ASB18: variants seen among roughly 807,000 people sequenced by gnomAD.
ASB18 encodes the protein ankyrin repeat and SOCS box containing 18.
ASB18 carries 33 observed loss-of-function variants against 33.4 expected under a neutral mutation model. That is an observed-to-expected ratio of 0.99 (90% CI 0.75 to 1.32). ASB18 has a LOEUF of 1.32. ASB18 is among the 40% of genes most tolerant of loss of function. The pLI is 0.00. For missense variants in ASB18, 694 were observed against 655.5 expected (o/e 1.06, Z -0.64); for synonymous variants, 295 against 307.6 (o/e 0.96, Z 0.43).
At position 236,237,413 on chromosome 2, in the gene ASB18, G is replaced by GGGGCCGGGGCCGGGGCGCGGGGCGA. The variant is rs1439209418; in HGVS notation, c.596+251_596+275dup. Among the ~76,000 whole-genome samples, 273 of 48,702 alleles carry GGGGCCGGGGCCGGGGCGCGGGGCGA rather than the reference G, an allele frequency of 5.6e-3. 120 individuals are homozygous for GGGGCCGGGGCCGGGGCGCGGGGCGA. The highest frequency in any genetic ancestry group is 8.8e-3 in the Non-Finnish European group (198 of 22,628). The allele number at this position is 48,702 out of a possible 152,430, so 32.0% of individuals were successfully genotyped here. A position where few individuals can be genotyped will look rare whatever the true frequency, so the allele number is the denominator to read the frequency against. Reference sequence around the variant, plus strand: ...GGGGCCGGGGCCGGGGCGCGGGGCGGGGGCCGGGGCCGGGGCGCGGGGCGA... The same window carrying GGGGCCGGGGCCGGGGCGCGGGGCGA: ...GGGGCCGGGGCCGGGGCGCGGGGCGGGGGCCGGGGCCGGGGCGCGGGGCGAGGGCCGGGGCCGGGGCGCGGGGCGA... On this transcript the variant is annotated intron_variant, in intron 3 of 5. Coordinates refer to ENST00000409749, the MANE Select transcript of ASB18 (RefSeq NM_212556.4). The surrounding 1 kb of genome is among the most constrained non-coding windows in gnomAD (Gnocchi z 6.2).
Position 236,249,916 on chromosome 2 carries a change from A to T in ASB18, c.206-8514T>A, listed in dbSNP as rs1252229340. Reference sequence around the variant, plus strand: ...TTGCAAAGAATATTTTGGAGACTTAAATAATAAGCATGATGTTTTGTCTGC... The same window carrying T: ...TTGCAAAGAATATTTTGGAGACTTATATAATAAGCATGATGTTTTGTCTGC... On this transcript the variant is annotated intron_variant, in intron 1 of 5. Transcript: ENST00000409749. This position sits in a 1 kb window ranked among gnomAD's most constrained non-coding sequence, Gnocchi z 4.6. 1 of 152,214 alleles carries T rather than the reference A, an allele frequency of 6.6e-6. No individual in the cohort carries two copies. The highest frequency in any genetic ancestry group is 2.4e-5 in the African/African-American group (1 of 41,456). 9.4% of individuals were successfully genotyped at this position (152,214 alleles called of 1,614,324 possible).
intron 4 of ASB18, among the ~76,000 whole-genome samples, chr2:236,210,987 T>C (rs879530132): frequency 1.3e-4 from 20 of 152,170 alleles, no homozygotes; most frequent in Admixed American, 1.1e-3. Context: ...AGTGCTTCCT[T>C]GGAAAAAGAT....
chr2:236,248,102 G>A lies in ASB18; in HGVS notation c.206-6700C>T, dbSNP rs926816814. ...CTTGGAAAAGATGGAAACAGTGCGA[G>A]TCTTTCTTTAGGAAACTCTGGCTAA... On this transcript the variant is annotated intron_variant, in intron 1 of 5. Transcript: ENST00000409749. This position sits in a 1 kb window ranked among gnomAD's most constrained non-coding sequence, Gnocchi z 4.9. 7 of 152,196 alleles carry A rather than the reference G, an allele frequency of 4.6e-5. No individual in the cohort carries two copies. The highest frequency in any genetic ancestry group is 2.1e-4 in the South Asian group (1 of 4,824). 9.4% of individuals were successfully genotyped at this position (152,196 alleles called of 1,614,324 possible). A position where few individuals can be genotyped will look rare whatever the true frequency, so the allele number is the denominator to read the frequency against.
At position 236,262,467 on chromosome 2, in the gene ASB18, G is replaced by T. The variant is rs2060723235; in HGVS notation, c.205+1674C>A. ...CCACAGAAGGAGGCTGCTAAACCCAGCAGCGATCTGGCAGGGAGGGCCGGG... is the reference window on the plus strand; with the variant it reads ...CCACAGAAGGAGGCTGCTAAACCCATCAGCGATCTGGCAGGGAGGGCCGGG... On this transcript the variant is annotated intron_variant, in intron 1 of 5. Coordinates refer to ENST00000409749, the MANE Select transcript of ASB18 (RefSeq NM_212556.4). This position sits in a 1 kb window ranked among gnomAD's most constrained non-coding sequence, Gnocchi z 5.2. 1.3e-5 allele frequency among the ~76,000 whole-genome samples: 2 copies of T among 152,232 alleles called. No homozygotes were observed. Among genetic ancestry groups the T allele is most frequent in the Admixed American group, 1.3e-4 (2 of 15,292 alleles).
In ASB18 at chr2:236,215,248, A is replaced by G. The variant is rs891043841; in HGVS notation, c.597-382T>C. Among the ~76,000 whole-genome samples the G allele has an allele frequency of 2.6e-5, 4 of 152,188 alleles. No homozygotes were observed. In the South Asian group the frequency reaches 8.3e-4, roughly 32 times the overall value. Reference sequence around the variant, plus strand: ...TTAAGGGTTTGGCAGTCACAGTTCTAAGGAGAGGCCCTTGGGGGTCAGACT... The same window carrying G: ...TTAAGGGTTTGGCAGTCACAGTTCTGAGGAGAGGCCCTTGGGGGTCAGACT... On this transcript the variant is annotated intron_variant, in intron 3 of 5. Coordinates refer to ENST00000409749, the MANE Select transcript of ASB18 (RefSeq NM_212556.4). This position sits in a 1 kb window ranked among gnomAD's most constrained non-coding sequence, Gnocchi z 7.2.
In ASB18 at chr2:236,212,703, C is replaced by T. The variant is rs545907162; in HGVS notation, c.1101+1659G>A. Among the ~76,000 whole-genome samples the T allele has an allele frequency of 9.2e-5, 14 of 152,298 alleles. No individual in the cohort carries two copies. In the South Asian group the frequency reaches 2.9e-3, roughly 32 times the overall value. On this transcript the variant is annotated intron_variant, in intron 4 of 5. Transcript: ENST00000409749. ...GTAGTGTTGCTATCACAGCTCACTGCAGCCTCCACATCCTGGGTTTAGGTA... is the reference window on the plus strand; with the variant it reads ...GTAGTGTTGCTATCACAGCTCACTGTAGCCTCCACATCCTGGGTTTAGGTA...
At position 236,234,426 on chromosome 2, in the gene ASB18, G is replaced by A. The variant is rs531163687; in HGVS notation, c.596+3263C>T. Among the ~76,000 whole-genome samples the A allele has an allele frequency of 3.2e-4, 48 of 152,240 alleles. 1 individual carries two copies. The highest frequency in any genetic ancestry group is 1.0e-3 in the Admixed American group (16 of 15,286). ...CTTCAATTTGTGTTGACATCATCCA[G>A]CCCCTTTTGTCTAGGTGTTATCCTT... On this transcript the variant is annotated intron_variant, in intron 3 of 5. Transcript: ENST00000409749. This position sits in a 1 kb window ranked among gnomAD's most constrained non-coding sequence, Gnocchi z 4.1.
In ASB18 at chr2:236,194,793, A is replaced by G; in HGVS notation, c.*79T>C. 7.7e-7 allele frequency: 1 copy of G among 1,299,408 alleles called. No homozygotes were observed. Among genetic ancestry groups the G allele is most frequent in the Non-Finnish European group, 1.1e-6 (1 of 937,858 alleles). 80.5% of individuals were successfully genotyped at this position (1,299,408 alleles called of 1,614,324 possible). A position where few individuals can be genotyped will look rare whatever the true frequency, so the allele number is the denominator to read the frequency against. ...GGGAACTCCCATCACCTCCATCTGC[A>G]TCAGGGCACTCTCCAACACACGGCC... On this transcript the variant is annotated 3_prime_UTR_variant, in exon 6 of 6. Transcript: ENST00000409749. This position sits in a 1 kb window ranked among gnomAD's most constrained non-coding sequence, Gnocchi z 4.5.
intron 4 of ASB18, among the ~76,000 whole-genome samples, chr2:236,202,163 C>A (rs1244566928): frequency 1.3e-5 from 2 of 152,092 alleles, no homozygotes; most frequent in African/African-American, 4.8e-5. Flanking sequence ...GTTGGCCAGG[C>A]TGGTCTTAAA....
rs1237062492 is a variant in ASB18, at chr2:236,259,679, C to T, written c.205+4462G>A. Reference sequence around the variant, plus strand: ...TGACTGTAGAGCGTGGGGGGCTCAGCCTCAGTGAGCCCAGCAGGATGTTGG... The same window carrying T: ...TGACTGTAGAGCGTGGGGGGCTCAGTCTCAGTGAGCCCAGCAGGATGTTGG... On this transcript the variant is annotated intron_variant, in intron 1 of 5. Transcript: ENST00000409749. The surrounding 1 kb of genome is among the most constrained non-coding windows in gnomAD (Gnocchi z 4.4). 4.5e-6 allele frequency: 2 copies of T among 443,378 alleles called. No individual in the cohort carries two copies. Among genetic ancestry groups the T allele is most frequent in the African/African-American group, 4.0e-5 (2 of 49,766 alleles). The allele number at this position is 443,378 out of a possible 1,614,324, so 27.5% of individuals were successfully genotyped here. A position where few individuals can be genotyped will look rare whatever the true frequency, so the allele number is the denominator to read the frequency against.
chr2:236,213,301 C>T lies in ASB18; in HGVS notation c.1101+1061G>A, dbSNP rs2060467645. The stretch of plus-strand genomic sequence containing the variant: ...GGGATTTTCTAACCTTTCAGAGGCA[C>T]AGTCTACTCTGAACGCATCTATAAT... On this transcript the variant is annotated intron_variant, in intron 4 of 5. Transcript: ENST00000409749. This position sits in a 1 kb window ranked among gnomAD's most constrained non-coding sequence, Gnocchi z 4.8. Among the ~76,000 whole-genome samples, 2 of 152,156 alleles carry T rather than the reference C, an allele frequency of 1.3e-5. No individual in the cohort carries two copies. The highest frequency in any genetic ancestry group is 6.5e-5 in the Admixed American group (1 of 15,292).
rs556385944 is a variant in ASB18 at position 236,262,889 on chromosome 2, G to C, written c.205+1252C>G. 3.9e-4 allele frequency among the ~76,000 whole-genome samples: 60 copies of C among 152,270 alleles called. 1 individual carries two copies. In the South Asian group the frequency reaches 0.011, roughly 28 times the overall value. ...AGAAAGTAGACCCAAACCAAGGGGG[G>C]GGGGCGGACCCCCTCGGAAGTTCCA... is the stretch of plus-strand genomic sequence containing the variant. On this transcript the variant is annotated intron_variant, in intron 1 of 5. Transcript: ENST00000409749. This position sits in a 1 kb window ranked among gnomAD's most constrained non-coding sequence, Gnocchi z 5.2.
At chr2:236,258,521 A>G (rs2060703705) in intron 1 of ASB18, among the ~76,000 whole-genome samples, 1 of 152,140 alleles carries the variant, frequency 6.6e-6, no homozygotes, top group South Asian at 2.1e-4. Context: ...GTGTTGGAAA[A>G]TGATTCCTCT....
intron 1 of ASB18, among the ~76,000 whole-genome samples, chr2:236,254,803 C>G (rs1236972049): frequency 2.6e-5 from 4 of 152,020 alleles, no homozygotes; most frequent in Admixed American, 2.6e-4. Context: ...ATTTGTGTCC[C>G]CGCCCAGATC....
Position 236,222,552 on chromosome 2 carries a change from G to T in ASB18, c.597-7686C>A, listed in dbSNP as rs1205453656. 6.6e-6 allele frequency among the ~76,000 whole-genome samples: 1 copy of T among 152,196 alleles called. No individual in the cohort carries two copies. The highest frequency in any genetic ancestry group is 2.4e-5 in the African/African-American group (1 of 41,446). On this transcript the variant is annotated intron_variant, in intron 3 of 5. Transcript: ENST00000409749. The surrounding 1 kb of genome is among the most constrained non-coding windows in gnomAD (Gnocchi z 5.5). ...ACTGTGTGCCCCATGATATAGTTTG[G>T]ATATTTATCACTGCTGAAATCTCAT...
At position 236,252,569 on chromosome 2, in the gene ASB18, A is replaced by T. The variant is rs1014408322; in HGVS notation, c.206-11167T>A. On this transcript the variant is annotated intron_variant, in intron 1 of 5. Coordinates refer to ENST00000409749, the MANE Select transcript of ASB18 (RefSeq NM_212556.4). This position sits in a 1 kb window ranked among gnomAD's most constrained non-coding sequence, Gnocchi z 7.9. Reference sequence around the variant, plus strand: ...GATGTCTGTTTTCTCCTCTTGATCTATTGTTGCGGGGAGCTATACCCTATG... The same window carrying T: ...GATGTCTGTTTTCTCCTCTTGATCTTTTGTTGCGGGGAGCTATACCCTATG... 1.4e-4 allele frequency among the ~76,000 whole-genome samples: 21 copies of T among 151,942 alleles called. No homozygotes were observed. Among genetic ancestry groups the T allele is most frequent in the African/African-American group, 2.4e-5 (1 of 41,358 alleles).
intron 4 of ASB18, among the ~76,000 whole-genome samples, chr2:236,197,856 C>T (rs974357400): frequency 3.3e-5 from 5 of 151,632 alleles, no homozygotes; most frequent in African/African-American, 7.3e-5. Context: ...AATTCAGATT[C>T]GATTTTGGAG....
At chr2:236,261,999 T>C (rs966354138) in intron 1 of ASB18, among the ~76,000 whole-genome samples, 1 of 152,204 alleles carries the variant, frequency 6.6e-6, no homozygotes, top group African/African-American at 2.4e-5. Flanking sequence ...TTGTGGGAGC[T>C]ATAATTCAAG....
Position 236,238,019 on chromosome 2 carries a change from G to A in ASB18, c.329-63C>T. On this transcript the variant is annotated intron_variant, in intron 2 of 5. Coordinates refer to ENST00000409749, the MANE Select transcript of ASB18 (RefSeq NM_212556.4). This position sits in a 1 kb window ranked among gnomAD's most constrained non-coding sequence, Gnocchi z 5.2. ...GTTAGTTGTGGTGGTGGTGGGCGGT[G>A]TTCCTTAAGGCGGAAAGAAAGTGAA... 1 of 1,368,022 alleles carries A rather than the reference G, an allele frequency of 7.3e-7. No homozygotes were observed. The highest frequency in any genetic ancestry group is 9.5e-7 in the Non-Finnish European group (1 of 1,051,682). 84.7% of individuals were successfully genotyped at this position (1,368,022 alleles called of 1,614,324 possible). A position where few individuals can be genotyped will look rare whatever the true frequency, so the allele number is the denominator to read the frequency against.
Sources: gnomAD v4.1 joint callset for allele counts (sites outside exome capture counted in the v4.1 genomes callset) on GRCh38, gnomAD v4.1.1 for gene constraint, Gnocchi (gnomAD v3.1) non-coding constraint, MANE v1.5 for transcripts, NCBI Gene and HGNC (gene_info 2026-07-23, HGNC 2026-07-21) for gene names.